Variants in WWC2 observed in about 807,000 individuals in gnomAD.
The protein encoded by WWC2 is WW and C2 domain containing 2.
In WWC2, 101 loss-of-function variants were observed where a neutral mutation model predicts 138.5. The observed-to-expected ratio is 0.73, with a 90% confidence interval of 0.62 to 0.86. The LOEUF (loss-of-function observed/expected upper bound fraction) is 0.86, where lower values mean the gene tolerates loss of function less well. WWC2 is among the 40% of genes least tolerant of loss of function. WWC2 has a pLI of 0.00. For synonymous variants in WWC2, 558 were observed against 538.4 expected (o/e 1.04, Z -0.50); for missense variants, 1,420 against 1,419.4 (o/e 1.00, Z -0.01).
intron 22 of WWC2, among the ~76,000 whole-genome samples, chr4:183,313,152 CACAG>C (rs1739319869): frequency 6.6e-6 from 1 of 152,158 alleles, no homozygotes; most frequent in African/African-American, 2.4e-5. Flanking sequence ...TGGACAGAGG[CACAG>C]ACCTTAGAAG....
At chr4:183,148,616 T>C (rs1425827936) in intron 1 of WWC2, among the ~76,000 whole-genome samples, 1 of 152,086 alleles carries the variant, frequency 6.6e-6, no homozygotes, top group Non-Finnish European at 1.5e-5. Context: ...TTTCAGAAAA[T>C]GATTGTATGT....
chr4:183,229,685 A>G (rs1736184254), intron 4 of WWC2, among the ~76,000 whole-genome samples: 2 of 152,068 alleles, frequency 1.3e-5, no homozygotes, highest in South Asian at 4.1e-4. Flanking sequence ...GCAAACCCAA[A>G]TAGGAGTACA....
chr4:183,210,448 TG>T (rs1389951692), intron 4 of WWC2, among the ~76,000 whole-genome samples: 3 of 151,886 alleles, frequency 2.0e-5, no homozygotes, highest in African/African-American at 7.3e-5. Flanking sequence ...GTAGATTTTG[TG>T]ACAAAAAATG....
intron 1 of WWC2, among the ~76,000 whole-genome samples, chr4:183,121,961 AT>A (rs1676089449): frequency 6.6e-6 from 1 of 151,182 alleles, no homozygotes; most frequent in South Asian, 2.1e-4. Context: ...AATTTTTTGT[AT>A]TTTTAGTAGA....
At chr4:183,218,947 G>A (rs1193638055) in intron 4 of WWC2, among the ~76,000 whole-genome samples, 1 of 152,124 alleles carries the variant, frequency 6.6e-6, no homozygotes, top group Non-Finnish European at 1.5e-5. Flanking sequence ...CAACCTATGT[G>A]TCCATCACAG....
intron 2 of WWC2, among the ~76,000 whole-genome samples, chr4:183,198,356 A>T (rs1359256075): frequency 1.3e-5 from 2 of 152,102 alleles, no homozygotes; most frequent in African/African-American, 4.8e-5. Flanking sequence ...TTTCATATTG[A>T]TACACACATG....
rs539170753 is a variant in WWC2, at chr4:183,276,975, A to T, written c.2563-3801A>T. On this transcript the variant is annotated intron_variant, in intron 16 of 22. Coordinates refer to ENST00000403733, the MANE Select transcript of WWC2 (RefSeq NM_024949.6). ...GTTCATACAGCATCATTTCTTTTTTATTATTATTATTATTATTATTATACT... is the reference window on the plus strand; with the variant it reads ...GTTCATACAGCATCATTTCTTTTTTTTTATTATTATTATTATTATTATACT... Among the ~76,000 whole-genome samples, 145 of 144,076 alleles carry T rather than the reference A, an allele frequency of 1.0e-3. No individual in the cohort carries two copies. In the Middle Eastern group the frequency reaches 0.01, roughly 10 times the overall value. The allele number at this position is 144,076 out of a possible 152,430, so 94.5% of individuals were successfully genotyped here. A position where few individuals can be genotyped will look rare whatever the true frequency, so the allele number is the denominator to read the frequency against.
chr4:183,238,268 A>G (rs1736491956), intron 4 of WWC2, among the ~76,000 whole-genome samples: 1 of 151,798 alleles, frequency 6.6e-6, no homozygotes, highest in Non-Finnish European at 1.5e-5. Flanking sequence ...GCTTTCCCAC[A>G]CCCTCCACGT....
intron 1 of WWC2, among the ~76,000 whole-genome samples, chr4:183,149,570 C>G (rs1733577215): frequency 1.3e-5 from 2 of 149,866 alleles, no homozygotes; most frequent in Non-Finnish European, 3.0e-5. Context: ...TGCGGTGAGC[C>G]AAGATCGCGC....
intron 8 of WWC2, among the ~76,000 whole-genome samples, chr4:183,251,049 C>T (rs1331566274): frequency 6.6e-6 from 1 of 152,180 alleles, no homozygotes; most frequent in Non-Finnish European, 1.5e-5. Context: ...AAATTATTAA[C>T]CATGTGAGCT....
At chr4:183,306,641 C>T (rs1055465692) in intron 21 of WWC2, among the ~76,000 whole-genome samples, 1 of 149,790 alleles carries the variant, frequency 6.7e-6, no homozygotes, top group African/African-American at 2.4e-5. Context: ...ATTCTCTTAC[C>T]TCAACCTCCT....
chr4:183,256,685 C>T (rs1264373663), intron 9 of WWC2, among the ~76,000 whole-genome samples: 1 of 152,070 alleles, frequency 6.6e-6, no homozygotes, highest in Non-Finnish European at 1.5e-5. Flanking sequence ...AACCCCAAAT[C>T]CTTCCTTTTC....
intron 10 of WWC2, among the ~76,000 whole-genome samples, chr4:183,260,198 A>T (rs1340521086): frequency 1.3e-5 from 2 of 152,200 alleles, no homozygotes; most frequent in Non-Finnish European, 2.9e-5. Flanking sequence ...TTTTAATAAA[A>T]AACTACATTA....
At chr4:183,260,873 G>C in intron 10 of WWC2, 37 bp from the exon 11 acceptor site, 2 of 1,602,844 alleles carry the variant, frequency 1.2e-6, no homozygotes, top group Non-Finnish European at 1.7e-6. Flanking sequence ...TTTCCATTTT[G>C]TAACAGATTT....
At chr4:183,272,958 G>C (rs1225775691) in intron 16 of WWC2, among the ~76,000 whole-genome samples, 2 of 152,122 alleles carry the variant, frequency 1.3e-5, no homozygotes, top group African/African-American at 4.8e-5. Flanking sequence ...TTTCTCCTGG[G>C]TAGGTACCTA....
intron 6 of WWC2, among the ~76,000 whole-genome samples, chr4:183,247,199 CAT>C (rs1257479320): frequency 1.3e-5 from 2 of 152,062 alleles, no homozygotes; most frequent in Admixed American, 1.3e-4. Flanking sequence ...CACACACACA[CAT>C]ACACACTCCA....
At chr4:183,307,515 G>A (rs1266561184) in intron 21 of WWC2, among the ~76,000 whole-genome samples, 1 of 152,152 alleles carries the variant, frequency 6.6e-6, no homozygotes, top group Non-Finnish European at 1.5e-5. Context: ...TATATCTCTT[G>A]TGAACATAGA....
rs185750289 is a variant in WWC2 at position 183,217,000 on chromosome 4, A to G, written c.522+7975A>G. Among the ~76,000 whole-genome samples the G allele has an allele frequency of 2.0e-5, 3 of 152,368 alleles. No individual in the cohort carries two copies. The East Asian group carries it at 5.8e-4, about 29-fold the overall frequency. On this transcript the variant is annotated intron_variant, in intron 4 of 22. Transcript: ENST00000403733. ...AGCATAGAGACATAGAACCTTGAAC[A>G]GAAACATCAGAAGGGTAATGCCATA...
At position 183,319,482 on chromosome 4, in the gene WWC2, C is replaced by A. The variant is rs745529424; in HGVS notation, c.*3753C>A. ...AAAAATCAAAAGCACAGTGAGATGA[C>A]TAGAGCGGGACATCCTACCAAATCC... On this transcript the variant is annotated 3_prime_UTR_variant, in exon 23 of 23. Coordinates refer to ENST00000403733, the MANE Select transcript of WWC2 (RefSeq NM_024949.6). The A allele has an allele frequency of 1.1e-5, 15 of 1,408,342 alleles. No individual in the cohort carries two copies. The highest frequency in any genetic ancestry group is 1.3e-5 in the Non-Finnish European group (13 of 1,035,102). The allele number at this position is 1,408,342 out of a possible 1,614,324, so 87.2% of individuals were successfully genotyped here. A position where few individuals can be genotyped will look rare whatever the true frequency, so the allele number is the denominator to read the frequency against.
Sources: gnomAD v4.1 joint callset for allele counts (sites outside exome capture counted in the v4.1 genomes callset) on GRCh38, gnomAD v4.1.1 for gene constraint, MANE v1.5 for transcripts, NCBI Gene and HGNC (gene_info 2026-07-23, HGNC 2026-07-21) for gene names.